IGSF9B: variants seen among roughly 807,000 people sequenced by gnomAD.
IGSF9B encodes protein turtle homolog B.
IGSF9B carries 48 observed loss-of-function variants against 143.7 expected under a neutral mutation model. The observed-to-expected ratio is 0.33, with a 90% CI of 0.26 to 0.42. The LOEUF is 0.42. Among genes scored for constraint, IGSF9B ranks in the 20% least tolerant of loss-of-function variants. The probability of loss-of-function intolerance (pLI) is 1.00; values close to 1 mark genes in which losing one functional copy is unlikely to be tolerated. For synonymous variants in IGSF9B, 903 were observed against 833.1 expected, an observed-to-expected ratio of 1.08 and a Z score of -1.44; for missense variants, 1,706 against 1,980.0, an observed-to-expected ratio of 0.86 and a Z score of 2.63.
In IGSF9B at chr11:133,928,101, G is replaced by T. The variant is rs868194513; in HGVS notation, c.1632-1010C>A. ...ATGAGCAGCAGCGTGGAGCAGCAGC[G>T]TGAAGCAGCACCGCAAGCAGCAGGG... On this transcript the variant is annotated intron_variant, in intron 12 of 19. Transcript: ENST00000533871. This position sits in a 1 kb window ranked among gnomAD's most constrained non-coding sequence, Gnocchi z 4.7. Among the ~76,000 whole-genome samples, 23 of 152,254 alleles carry T rather than the reference G, an allele frequency of 1.5e-4. No individual in the cohort carries two copies. Among genetic ancestry groups the T allele is most frequent in the Non-Finnish European group, 3.4e-4 (23 of 68,012 alleles).
intron 8 of IGSF9B, 23 bp downstream of exon 8, chr11:133,932,048 C>A: frequency 6.3e-7 from 1 of 1,598,612 alleles, no homozygotes; most frequent in South Asian, 1.1e-5. Context: ...CACTCCAACC[C>A]TCAACATGCA....
At chr11:133,926,071 G>T in intron 13 of IGSF9B, 106 bp from the exon 14 acceptor site, 1 of 810,080 alleles carries the variant, frequency 1.2e-6, no homozygotes, top group Non-Finnish European at 2.0e-6. Flanking sequence ...GGGAAGCAGA[G>T]TCAGGGCCCG....
chr11:133,926,859 C>T, intron 13 of IGSF9B, 57 bp downstream of exon 13: 2 of 1,454,692 alleles, frequency 1.4e-6, no homozygotes, highest in Admixed American at 2.0e-5. Flanking sequence ...CTGCCTGGGC[C>T]ACCGCCCCCA....
intron 7 of IGSF9B, among the ~76,000 whole-genome samples, chr11:133,933,725 G>C (rs1939773423): frequency 6.6e-6 from 1 of 152,006 alleles, no homozygotes. Context: ...TCCAACCTTG[G>C]TGACACAGCA....
intron 18 of IGSF9B, among the ~76,000 whole-genome samples, chr11:133,919,402 G>A (rs1019910140): frequency 6.6e-6 from 1 of 152,188 alleles, no homozygotes; most frequent in African/African-American, 2.4e-5. Flanking sequence ...CAGGGACTCG[G>A]AGAGCCGTCA....
At position 133,903,337 on chromosome 11, in the gene IGSF9B, G is replaced by A. The variant is rs1381771052; in HGVS notation, c.*5732C>T. Among the ~76,000 whole-genome samples the A allele has an allele frequency of 6.6e-6, 1 of 152,132 alleles. No homozygotes were observed. Among genetic ancestry groups the A allele is most frequent in the Non-Finnish European group, 1.5e-5 (1 of 68,034 alleles). ...GACCAGTGACAGGAGCTGAGCATTT[G>A]AGCCACGGGGTTAAAACTGTCCAAT... On this transcript the variant is annotated 3_prime_UTR_variant, in exon 20 of 20. Coordinates refer to ENST00000533871, the MANE Select transcript of IGSF9B (RefSeq NM_001277285.4).
At chr11:133,911,779 T>G in intron 19 of IGSF9B, 107 bp downstream of exon 19, 1 of 1,072,070 alleles carries the variant, frequency 9.3e-7, no homozygotes, top group Non-Finnish European at 1.2e-6. Flanking sequence ...AGCCCAAGGT[T>G]GGGGCCCTGA....
At chr11:133,930,643 C>T (rs1939705573) in intron 11 of IGSF9B, among the ~76,000 whole-genome samples, 1 of 152,208 alleles carries the variant, frequency 6.6e-6, no homozygotes, top group African/African-American at 2.4e-5. Flanking sequence ...CCCCGTCTCC[C>T]TCATTCCAGC....
At chr11:133,952,187 GA>G (rs1211170993) in intron 1 of IGSF9B, 3 of 398,422 alleles carry the variant, frequency 7.5e-6, no homozygotes, top group Non-Finnish European at 1.6e-5. Context: ...AGATTCCCAA[GA>G]AAAATAGGTC....
In IGSF9B at chr11:133,902,540, CCA is replaced by C. The variant is rs1249263816; in HGVS notation, c.*6527_*6528del. ...CAGACATGCACACCACACACATATACCACACACACCACATACACACACACACC... is the reference window on the plus strand; with the variant it reads ...CAGACATGCACACCACACACATATACCACACACCACATACACACACACACC... On this transcript the variant is annotated 3_prime_UTR_variant, in exon 20 of 20. Transcript: ENST00000533871. 1.8e-5 allele frequency among the ~76,000 whole-genome samples: 2 copies of C among 109,834 alleles called. No homozygotes were observed. The highest frequency in any genetic ancestry group is 6.2e-5 in the African/African-American group (2 of 32,378). 72.1% of individuals were successfully genotyped at this position (109,834 alleles called of 152,430 possible).
chr11:133,951,083 C>G (rs1375240032), intron 1 of IGSF9B, among the ~76,000 whole-genome samples: 1 of 152,136 alleles, frequency 6.6e-6, no homozygotes, highest in Non-Finnish European at 1.5e-5. Context: ...CCGGCAGACC[C>G]GGGGCTCTCA....
rs772266406 is a variant in IGSF9B, at chr11:133,919,952, G to C, written c.3773C>G (p.Pro1258Arg). 3 of 1,561,306 alleles carry C rather than the reference G, an allele frequency of 1.9e-6. No homozygotes were observed. The highest frequency in any genetic ancestry group is 2.6e-6 in the Non-Finnish European group (3 of 1,152,904). ...SRKSTPSTGS[P>R]SQSSRSGSPS... ...ACTCCCACTGCGGCTGCTCTGGGAGGGGGAGCCTGTGGACGGCGTAGACTT... is the reference window on the plus strand; with the variant it reads ...ACTCCCACTGCGGCTGCTCTGGGAGCGGGAGCCTGTGGACGGCGTAGACTT... Residue 1258 changes from proline (P) to arginine (R), a missense_variant, in exon 18 of 20, where the codon CCC becomes CGC. By Grantham distance (103) the Pro-to-Arg change is moderately radical (BLOSUM62 -2). Coordinates refer to ENST00000533871, the MANE Select transcript of IGSF9B (RefSeq NM_001277285.4).
intron 3 of IGSF9B, among the ~76,000 whole-genome samples, chr11:133,938,504 C>A (rs1454140248): frequency 1.3e-5 from 2 of 152,208 alleles, no homozygotes; most frequent in African/African-American, 4.8e-5. Context: ...GGACAGCCCA[C>A]CCGAAGGCCA....
At chr11:133,918,389 AGCGAGCACCGGACAG>A (rs954281391) in intron 18 of IGSF9B, among the ~76,000 whole-genome samples, 4 of 152,132 alleles carry the variant, frequency 2.6e-5, no homozygotes, top group African/African-American at 9.7e-5. Context: ...GGAGGGGCAC[AGCGAGCACCGGACAG>A]GCGAGGCCGG....
intron 1 of IGSF9B, among the ~76,000 whole-genome samples, chr11:133,951,771 G>A (rs1940163488): frequency 6.6e-6 from 1 of 152,174 alleles, no homozygotes; most frequent in African/African-American, 2.4e-5. Context: ...AGGCCGCCTG[G>A]CCAACTGAGG....
In IGSF9B at chr11:133,923,644, A is replaced by G. The variant is rs151071535; in HGVS notation, c.2120-914T>C. ...ATTGCTGCATCGATAATAATAATGG[A>G]TAAAAATAATCCAGATGATGCTGAT... On this transcript the variant is annotated intron_variant, in intron 15 of 19. Coordinates refer to ENST00000533871, the MANE Select transcript of IGSF9B (RefSeq NM_001277285.4). Among the ~76,000 whole-genome samples the G allele has an allele frequency of 3.8e-3, 583 of 152,372 alleles. 5 individuals carry two copies. Among genetic ancestry groups the G allele is most frequent in the African/African-American group, 0.013 (547 of 41,594 alleles).
At chr11:133,918,588 C>A (rs1389794917) in intron 18 of IGSF9B, among the ~76,000 whole-genome samples, 1 of 152,200 alleles carries the variant, frequency 6.6e-6, no homozygotes, top group African/African-American at 2.4e-5. Context: ...CCTTCCTCGG[C>A]CGGCCCCGGA....
rs1939025859 is a variant in IGSF9B, at chr11:133,896,876, G to C, written c.*12193C>G. 6.6e-6 allele frequency: 1 copy of C among 152,648 alleles called. No homozygotes were observed. Among genetic ancestry groups the C allele is most frequent in the East Asian group, 1.9e-4 (1 of 5,182 alleles). The allele number at this position is 152,648 out of a possible 1,614,324, so 9.5% of individuals were successfully genotyped here. On this transcript the variant is annotated 3_prime_UTR_variant, in exon 20 of 20. Transcript: ENST00000533871. ...CAGGCGTCTATTGCTTAGGGCCGTA[G>C]AGCAGGCGTGGCTTTGGGGTCATCT...
rs763856255 is a variant in IGSF9B, at chr11:133,922,236, G to C, written c.2282-14C>G. On this transcript the variant is annotated splice_polypyrimidine_tract_variant and intron_variant, in intron 16 of 19. Coordinates refer to ENST00000533871, the MANE Select transcript of IGSF9B (RefSeq NM_001277285.4). ...AGAGTGGAGGGTCTGGAAGGAAAGA[G>C]AAGGGGAGAGGCTGCTGAGGCCAAG... is the stretch of plus-strand genomic sequence containing the variant. 72 of 1,611,250 alleles carry C rather than the reference G, an allele frequency of 4.5e-5. 1 individual carries two copies. The South Asian group carries it at 7.9e-4, about 18-fold the overall frequency.
Sources: allele counts gnomAD v4.1 joint callset (sites outside exome capture counted in the v4.1 genomes callset), GRCh38; gene constraint gnomAD v4.1.1; non-coding constraint Gnocchi (gnomAD v3.1); transcripts MANE v1.5; gene names NCBI Gene and HGNC (gene_info 2026-07-23, HGNC 2026-07-21).